The following PHACTR1 variants were observed in gnomAD, a reference collection of about 807,000 sequenced individuals.
The protein encoded by PHACTR1 is phosphatase and actin regulator 1, also known as RPEL repeat containing 1.
Under a neutral mutation model 69.2 loss-of-function variants are expected in PHACTR1, and 16 were observed. The observed-to-expected ratio is 0.23, with a 90% CI of 0.16 to 0.35. The LOEUF (loss-of-function observed/expected upper bound fraction) is 0.35. Among genes scored for constraint, PHACTR1 ranks in the 10% least tolerant of loss-of-function variants. The pLI, the probability that PHACTR1 is intolerant of heterozygous loss-of-function variation, is 1.00. For missense variants in PHACTR1, 510 were observed against 734.7 expected, an observed-to-expected ratio of 0.69 and a Z score of 3.54; for synonymous variants, 312 against 284.5, an observed-to-expected ratio of 1.10 and a Z score of -0.97.
intron 4 of PHACTR1, among the ~76,000 whole-genome samples, chr6:13,026,263 T>C (rs913338722): frequency 7.2e-5 from 11 of 152,192 alleles, no homozygotes; most frequent in Non-Finnish European, 1.6e-4. Flanking sequence ...ATTAGCAGCC[T>C]CTGGAGAGGG....
intron 4 of PHACTR1, among the ~76,000 whole-genome samples, chr6:13,023,232 A>C (rs1037783775): frequency 6.6e-6 from 1 of 152,174 alleles, no homozygotes; most frequent in Non-Finnish European, 1.5e-5. Context: ...ATCAGCCTAC[A>C]AAGAAATAAC....
At chr6:13,143,516 T>C (rs1336133190) in intron 5 of PHACTR1, among the ~76,000 whole-genome samples, 18 of 152,254 alleles carry the variant, frequency 1.2e-4, no homozygotes, top group Admixed American at 1.2e-3. Flanking sequence ...ACACAGATAC[T>C]GATTCAGTAG....
chr6:13,281,363 G>C (rs567847706), intron 12 of PHACTR1: 1 of 332,458 alleles, frequency 3.0e-6, no homozygotes, highest in Non-Finnish European at 5.9e-6. Flanking sequence ...AGAGCAGTCT[G>C]GGCAATATGG....
chr6:12,814,245 A>C (rs914558611), intron 4 of PHACTR1, among the ~76,000 whole-genome samples: 2 of 152,204 alleles, frequency 1.3e-5, no homozygotes, highest in Admixed American at 6.5e-5. Context: ...GTTGTGATGA[A>C]AGAGGAAGGA....
At chr6:13,116,235 G>C (rs999836379) in intron 5 of PHACTR1, among the ~76,000 whole-genome samples, 7 of 152,178 alleles carry the variant, frequency 4.6e-5, no homozygotes, top group Non-Finnish European at 1.0e-4. Flanking sequence ...ATTAACAAAA[G>C]CCAGCATTAC....
rs115168924 is a variant in PHACTR1 at position 12,937,099 on chromosome 6, C to T, written c.251-116266C>T. ...TATGCAGTCTCTTACTCCCACAGAG[C>T]CAGGAATAAAATGAGATTAAGACTT... is the stretch of plus-strand genomic sequence containing the variant. On this transcript the variant is annotated intron_variant, in intron 4 of 14. Transcript: ENST00000332995. Among the ~76,000 whole-genome samples the T allele has an allele frequency of 2.2e-3, 333 of 152,252 alleles. 3 individuals carry two copies. Among genetic ancestry groups the T allele is most frequent in the African/African-American group, 7.9e-3 (328 of 41,534 alleles).
intron 5 of PHACTR1, among the ~76,000 whole-genome samples, chr6:13,068,150 C>G (rs1175054466): frequency 6.6e-6 from 1 of 152,116 alleles, no homozygotes; most frequent in Non-Finnish European, 1.5e-5. Flanking sequence ...AACCCCACCT[C>G]TACTAAAACT....
chr6:12,987,581 G>C (rs1005372631), intron 4 of PHACTR1, among the ~76,000 whole-genome samples: 1 of 152,120 alleles, frequency 6.6e-6, no homozygotes, highest in Non-Finnish European at 1.5e-5. Context: ...CTTTGGGCTT[G>C]ATTGTGTAAG....
At chr6:13,217,885 A>T (rs1407902887) in intron 8 of PHACTR1, among the ~76,000 whole-genome samples, 1 of 152,258 alleles carries the variant, frequency 6.6e-6, no homozygotes, top group African/African-American at 2.4e-5. Flanking sequence ...AATTTGCAGC[A>T]TAATTTCTCA....
chr6:13,156,466 C>T (rs1039063482), intron 5 of PHACTR1, among the ~76,000 whole-genome samples: 1 of 152,168 alleles, frequency 6.6e-6, no homozygotes, highest in Non-Finnish European at 1.5e-5. Context: ...TTCTTTAATG[C>T]TTGGCATGGG....
At chr6:12,860,636 C>A (rs951855799) in intron 4 of PHACTR1, among the ~76,000 whole-genome samples, 55 of 152,338 alleles carry the variant, frequency 3.6e-4, no homozygotes, top group African/African-American at 1.2e-3. Flanking sequence ...ATTCCTGTTT[C>A]TCCACATCCT....
At chr6:12,882,126 G>A (rs1264879172) in intron 4 of PHACTR1, among the ~76,000 whole-genome samples, 1 of 152,136 alleles carries the variant, frequency 6.6e-6, no homozygotes, top group Non-Finnish European at 1.5e-5. Context: ...GAGGGACAGG[G>A]GGATGGAGGG....
At chr6:12,733,373 C>A (rs980269974) in intron 3 of PHACTR1, among the ~76,000 whole-genome samples, 5 of 152,230 alleles carry the variant, frequency 3.3e-5, no homozygotes, top group Non-Finnish European at 7.4e-5. Flanking sequence ...AAACTACAAA[C>A]CTATGAGTTA....
At chr6:12,785,293 G>A (rs1771401773) in intron 4 of PHACTR1, among the ~76,000 whole-genome samples, 1 of 152,080 alleles carries the variant, frequency 6.6e-6, no homozygotes, top group South Asian at 2.1e-4. Context: ...TCATAGAAAA[G>A]GTGGCTGTAT....
intron 4 of PHACTR1, among the ~76,000 whole-genome samples, chr6:12,915,458 G>A (rs1311074268): frequency 7.2e-6 from 1 of 138,222 alleles, no homozygotes; most frequent in African/African-American, 2.7e-5. Flanking sequence ...ACTGGGCTGA[G>A]ATCACTCCAC....
chr6:12,803,264 C>G (rs2127680810), intron 4 of PHACTR1, among the ~76,000 whole-genome samples: 1 of 152,270 alleles, frequency 6.6e-6, no homozygotes, highest in South Asian at 2.1e-4. Flanking sequence ...ACCCTTGAGC[C>G]AAAAGCTGAG....
At position 12,808,781 on chromosome 6, in the gene PHACTR1, TCTCCTTCTCCTC is replaced by T. The variant is rs757474412; in HGVS notation, c.250+58994_250+59005del. Among the ~76,000 whole-genome samples the T allele has an allele frequency of 9.9e-4, 148 of 149,816 alleles. 1 individual carries two copies. Among genetic ancestry groups the T allele is most frequent in the Admixed American group, 1.5e-3 (23 of 15,116 alleles). ...CTCTTCTTCTTCTTCTCCTTCTCCT[TCTCCTTCTCCTC>T]CTTCTTCTCCTTCTTCTCCTTCTTA... On this transcript the variant is annotated intron_variant, in intron 4 of 14. Transcript: ENST00000332995.
At chr6:12,797,008 AGTGT>A (rs10577949) in intron 4 of PHACTR1, among the ~76,000 whole-genome samples, 270 of 138,176 alleles carry the variant, frequency 2.0e-3, no homozygotes, top group Admixed American at 2.2e-3. Flanking sequence ...GAAGCCTAGG[AGTGT>A]GTGTGTGTGT....
chr6:13,025,443 G>C (rs1269199615), intron 4 of PHACTR1, among the ~76,000 whole-genome samples: 3 of 152,174 alleles, frequency 2.0e-5, no homozygotes, highest in South Asian at 2.1e-4. Context: ...CCCTGACATA[G>C]TGCCGCAGAG....
Sources: allele counts gnomAD v4.1 joint callset (sites outside exome capture counted in the v4.1 genomes callset), GRCh38; gene constraint gnomAD v4.1.1; transcripts MANE v1.5; gene names NCBI Gene and HGNC (gene_info 2026-07-23, HGNC 2026-07-21).